ACSM2B: variants seen among roughly 807,000 people sequenced by gnomAD.
ACSM2B encodes acyl-CoA synthetase medium chain family member 2B.
In ACSM2B, 58 loss-of-function variants were observed where a neutral mutation model predicts 78.6. The observed-to-expected ratio is 0.74, with a 90% CI of 0.60 to 0.92. The LOEUF (loss-of-function observed/expected upper bound fraction) is 0.92. ACSM2B is among the 40% of genes least tolerant of loss of function. ACSM2B has a pLI of 0.00. For missense variants in ACSM2B, 688 were observed against 711.2 expected, an observed-to-expected ratio of 0.97 and a Z score of 0.37; for synonymous variants, 257 against 256.8, an observed-to-expected ratio of 1.00 and a Z score of -0.01.
At chr16:20,548,991 A>C (rs2015226224) in intron 6 of ACSM2B, among the ~76,000 whole-genome samples, 1 of 152,206 alleles carries the variant, frequency 6.6e-6, no homozygotes, top group African/African-American at 2.4e-5. Context: ...GTGCTACAAA[A>C]AGACCTAGTA....
At chr16:20,542,853 T>C in intron 12 of ACSM2B, 61 bp downstream of exon 12, 2 of 1,572,144 alleles carry the variant, frequency 1.3e-6, no homozygotes, top group Non-Finnish European at 1.7e-6. Context: ...TCTTAAACCA[T>C]CATACTACAC....
intron 8 of ACSM2B, 99 bp downstream of exon 8, chr16:20,547,963 T>A: frequency 1.3e-6 from 2 of 1,567,026 alleles, no homozygotes; most frequent in Non-Finnish European, 1.7e-6. Flanking sequence ...ATTTCTCAAA[T>A]AAATGAATGA....
At chr16:20,561,737 A>T (rs1188401361) in intron 2 of ACSM2B, among the ~76,000 whole-genome samples, 1 of 151,350 alleles carries the variant, frequency 6.6e-6, no homozygotes, top group Non-Finnish European at 1.5e-5. Flanking sequence ...ACTATACTTT[A>T]AGTTTCAGGG....
chr16:20,561,897 T>A (rs1184910728), intron 2 of ACSM2B, among the ~76,000 whole-genome samples: 13 of 121,224 alleles, frequency 1.1e-4, no homozygotes, highest in African/African-American at 3.5e-4. Context: ...CAGTGTGTGA[T>A]GTTCCCCTTC....
chr16:20,566,266 T>TATATAG (rs1555459288), intron 1 of ACSM2B, among the ~76,000 whole-genome samples: 1 of 131,704 alleles, frequency 7.6e-6, no homozygotes, highest in Non-Finnish European at 1.6e-5. Flanking sequence ...TATATATATA[T>TATATAG]ATATATATAT....
intron 1 of ACSM2B, among the ~76,000 whole-genome samples, chr16:20,567,509 A>AT (rs2015950638): frequency 7.8e-6 from 1 of 127,730 alleles, no homozygotes; most frequent in Non-Finnish European, 1.6e-5. Flanking sequence ...TAAAATATAT[A>AT]AATAATATAT....
intron 1 of ACSM2B, 97 bp from the exon 2 acceptor site, chr16:20,564,950 T>C (rs2015779080): frequency 2.0e-6 from 3 of 1,481,830 alleles, no homozygotes; most frequent in Non-Finnish European, 2.7e-6. Context: ...CCTTATAGGA[T>C]TCTTCCCAGG....
At position 20,537,508 on chromosome 16, in the gene ACSM2B, T is replaced by C. The variant is rs1335365552; in HGVS notation, c.1630-146A>G. On this transcript the variant is annotated intron_variant, in intron 13 of 13. Coordinates refer to ENST00000329697, the MANE Select transcript of ACSM2B (RefSeq NM_001105069.2). ...CTGTGCAATAAGAAGCTTCAGAAGG[T>C]GCTCTGGGATGAGGACAATAAGAGG... is the stretch of plus-strand genomic sequence containing the variant. The C allele has an allele frequency of 5.0e-6, 4 of 803,952 alleles. No individual in the cohort carries two copies. In the African/African-American group the frequency reaches 6.9e-5, roughly 14 times the overall value. The allele number at this position is 803,952 out of a possible 1,614,324, so 49.8% of individuals were successfully genotyped here. A position where few individuals can be genotyped will look rare whatever the true frequency, so the allele number is the denominator to read the frequency against.
At chr16:20,544,749 A>C in intron 10 of ACSM2B, 1 of 986,562 alleles carries the variant, frequency 1.0e-6, no homozygotes, top group African/African-American at 1.7e-5. Context: ...CTCCAACTAG[A>C]TGGTGAAGTC....
chr16:20,565,055 ACCCAGT>A (rs1307118014), intron 1 of ACSM2B, among the ~76,000 whole-genome samples: 1 of 152,072 alleles, frequency 6.6e-6, no homozygotes, highest in Non-Finnish European at 1.5e-5. Context: ...GAGGATACAG[ACCCAGT>A]CCTAGATCCT....
chr16:20,543,320 G>T, intron 10 of ACSM2B, 58 bp from the exon 11 acceptor site: 1 of 1,611,788 alleles, frequency 6.2e-7, no homozygotes, highest in Non-Finnish European at 8.5e-7. Context: ...CCCCTGCCCT[G>T]GGGCTGCCAT....
At chr16:20,558,349 C>T (rs1596723893) in intron 3 of ACSM2B, among the ~76,000 whole-genome samples, 4 of 143,964 alleles carry the variant, frequency 2.8e-5, no homozygotes, top group Admixed American at 7.0e-5. Context: ...TTCCCTAGCC[C>T]CCTGCATGCC....
chr16:20,545,141 A>G lies in ACSM2B; in HGVS notation c.1281+16T>C, dbSNP rs556145637. ...TCCTCACTGGGGAACAGAGGAGGAGAAGCACAGTTTCTCACCACATAGCCA... is the reference window on the plus strand; with the variant it reads ...TCCTCACTGGGGAACAGAGGAGGAGGAGCACAGTTTCTCACCACATAGCCA... On this transcript the variant is annotated intron_variant, in intron 10 of 13. Coordinates refer to ENST00000329697, the MANE Select transcript of ACSM2B (RefSeq NM_001105069.2). 2.0e-4 allele frequency: 314 copies of G among 1,605,878 alleles called. No individual in the cohort carries two copies. The highest frequency in any genetic ancestry group is 5.5e-4 in the African/African-American group (41 of 74,846).
intron 3 of ACSM2B, among the ~76,000 whole-genome samples, chr16:20,558,196 G>A (rs1266313558): frequency 2.6e-5 from 4 of 152,010 alleles, no homozygotes; most frequent in African/African-American, 9.7e-5. Context: ...CATTCTGATG[G>A]ACCAGCTTGC....
At chr16:20,569,206 T>G (rs935151330) in intron 1 of ACSM2B, among the ~76,000 whole-genome samples, 7 of 152,038 alleles carry the variant, frequency 4.6e-5, no homozygotes, top group Non-Finnish European at 8.8e-5. Context: ...GGTCTTAGAT[T>G]TAAGTCCTTG....
rs183715954 is a variant in ACSM2B at position 20,543,502 on chromosome 16, T to G, written c.1282-240A>C. Among the ~76,000 whole-genome samples, 25 of 152,360 alleles carry G rather than the reference T, an allele frequency of 1.6e-4. No individual in the cohort carries two copies. The East Asian group carries it at 3.5e-3, about 21-fold the overall frequency. ...AGCTACTCCTCTAGGTCCAGTCTGA[T>G]GGATATTATTGATGTATTCATTCAT... On this transcript the variant is annotated intron_variant, in intron 10 of 13. Coordinates refer to ENST00000329697, the MANE Select transcript of ACSM2B (RefSeq NM_001105069.2).
chr16:20,561,811 C>A (rs56034383), intron 2 of ACSM2B, among the ~76,000 whole-genome samples: 56,889 of 149,486 alleles, frequency 0.38, 13,381 homozygotes, highest in Non-Finnish European at 0.52. Flanking sequence ...TGTGCTGCAC[C>A]GCTTAACTCA....
intron 8 of ACSM2B, 35 bp from the exon 9 acceptor site, chr16:20,546,509 G>C: frequency 1.9e-6 from 3 of 1,581,338 alleles, no homozygotes; most frequent in South Asian, 2.4e-5. Flanking sequence ...GCAAACCTCA[G>C]GAGGAGGTAC....
At chr16:20,546,718 C>T (rs188308269) in intron 8 of ACSM2B, 181 of 541,948 alleles carry the variant, frequency 3.3e-4, no homozygotes, top group African/African-American at 3.2e-3. Context: ...ACCTAACAAT[C>T]ACATTATAAT....
Sources: gnomAD v4.1 joint callset for allele counts (sites outside exome capture counted in the v4.1 genomes callset) on GRCh38, gnomAD v4.1.1 for gene constraint, MANE v1.5 for transcripts, NCBI Gene and HGNC (gene_info 2026-07-23, HGNC 2026-07-21) for gene names.